MYO16: variants seen among roughly 807,000 people sequenced by gnomAD.
The protein encoded by MYO16 is myosin XVI, also known as unconventional myosin-XVI.
In MYO16, 94 loss-of-function variants were observed where a neutral mutation model predicts 205.3. The observed-to-expected ratio is 0.46, with a 90% CI of 0.39 to 0.54. The LOEUF (loss-of-function observed/expected upper bound fraction) is 0.54, where lower values mean the gene tolerates loss of function less well. Among genes scored for constraint, MYO16 ranks in the 20% least tolerant of loss-of-function variants. MYO16 has a pLI of 0.00. For missense variants in MYO16, 2,315 were observed against 2,387.5 expected, an observed-to-expected ratio of 0.97 and a Z score of 0.63; for synonymous variants, 988 against 954.0, an observed-to-expected ratio of 1.04 and a Z score of -0.66.
chr13:108,955,080 C>A (rs1883297969), intron 16 of MYO16, among the ~76,000 whole-genome samples: 3 of 152,212 alleles, frequency 2.0e-5, no homozygotes, highest in Non-Finnish European at 2.9e-5. Flanking sequence ...AAACCTCCAA[C>A]CTCTTTCTCT....
intron 2 of MYO16, among the ~76,000 whole-genome samples, chr13:108,690,986 C>T (rs1882873386): frequency 6.6e-6 from 1 of 152,126 alleles, no homozygotes; most frequent in Non-Finnish European, 1.5e-5. Context: ...AGTCACCATT[C>T]TCTCCTGTTT....
In MYO16 at chr13:108,920,280, TTTTCTCTTTCTCTTTC is replaced by T. The variant is rs1168989004; in HGVS notation, c.1925+10148_1925+10163del. ...CCTCTGCCTTTTGTTCCACTCCTTT[TTTTCTCTTTCTCTTTC>T]TTTCTCTTTCTCTTTCTCCTTCCTT... On this transcript the variant is annotated intron_variant, in intron 16 of 34. Coordinates refer to ENST00000457511, the MANE Select transcript of MYO16 (RefSeq NM_001198950.3). Among the ~76,000 whole-genome samples the T allele has an allele frequency of 7.9e-4, 119 of 151,330 alleles. 1 individual carries two copies. The highest frequency in any genetic ancestry group is 2.8e-3 in the African/African-American group (114 of 40,654).
At chr13:109,129,070 C>A (rs1876407936) in intron 31 of MYO16, among the ~76,000 whole-genome samples, 1 of 147,438 alleles carries the variant, frequency 6.8e-6, no homozygotes, top group Non-Finnish European at 1.5e-5. Flanking sequence ...CTGCGCCAGG[C>A]CTTTTTTTTT....
At chr13:108,863,074 C>T (rs372937996) in intron 11 of MYO16, among the ~76,000 whole-genome samples, 6 of 152,100 alleles carry the variant, frequency 3.9e-5, no homozygotes, top group Non-Finnish European at 8.8e-5. Flanking sequence ...ATCCATCAAA[C>T]TTGCTAAAGT....
At chr13:108,769,266 C>G (rs957364712) in intron 4 of MYO16, among the ~76,000 whole-genome samples, 6 of 151,976 alleles carry the variant, frequency 3.9e-5, no homozygotes, top group Admixed American at 2.0e-4. Flanking sequence ...TCCAAGACAC[C>G]CTTGGTGGCA....
chr13:109,034,300 G>A (rs1009895696), intron 23 of MYO16, among the ~76,000 whole-genome samples: 1 of 152,152 alleles, frequency 6.6e-6, no homozygotes, highest in Non-Finnish European at 1.5e-5. Context: ...ATCTTGAATT[G>A]TAATCTCCAT....
At chr13:108,613,480 A>T (rs1316407354) in intron 1 of MYO16, among the ~76,000 whole-genome samples, 1 of 152,242 alleles carries the variant, frequency 6.6e-6, no homozygotes, top group South Asian at 2.1e-4. Context: ...TAGTGTCATA[A>T]TAGATGAAGA....
intron 34 of MYO16, among the ~76,000 whole-genome samples, chr13:109,184,787 T>A (rs1436292229): frequency 6.6e-6 from 1 of 150,708 alleles, no homozygotes; most frequent in Non-Finnish European, 1.5e-5. Context: ...TTTTTTGAAA[T>A]GGATGGAGCC....
At position 108,901,844 on chromosome 13, in the gene MYO16, C is replaced by T. The variant is rs965987637; in HGVS notation, c.1777+3711C>T. 3.3e-5 allele frequency among the ~76,000 whole-genome samples: 5 copies of T among 152,036 alleles called. No individual in the cohort carries two copies. The South Asian group carries it at 6.2e-4, about 19-fold the overall frequency. On this transcript the variant is annotated intron_variant, in intron 15 of 34. Coordinates refer to ENST00000457511, the MANE Select transcript of MYO16 (RefSeq NM_001198950.3). ...ACAAAGCTAGTGCTGAGATTGCATT[C>T]GTAGAAGTCTACCACCTAGATCATA...
At chr13:109,043,912 G>T (rs1483146080) in intron 23 of MYO16, among the ~76,000 whole-genome samples, 3 of 152,162 alleles carry the variant, frequency 2.0e-5, no homozygotes, top group Non-Finnish European at 4.4e-5. Context: ...AGCCAATCTG[G>T]GCTGGGGCTG....
intron 16 of MYO16, among the ~76,000 whole-genome samples, chr13:108,954,234 T>C (rs570326473): frequency 6.6e-6 from 1 of 152,252 alleles, no homozygotes; most frequent in Admixed American, 6.5e-5. Context: ...TAATTACTTA[T>C]CAAGAATTGT....
intron 1 of MYO16, among the ~76,000 whole-genome samples, chr13:108,610,953 A>G (rs996274866): frequency 6.6e-6 from 1 of 152,232 alleles, no homozygotes; most frequent in Non-Finnish European, 1.5e-5. Context: ...AAGTTGACTC[A>G]TAGTAATAAA....
chr13:108,919,433 A>G (rs926629873), intron 16 of MYO16, among the ~76,000 whole-genome samples: 36 of 152,248 alleles, frequency 2.4e-4, no homozygotes, highest in Non-Finnish European at 8.8e-5. Flanking sequence ...AGTCTGCTTG[A>G]TGACGCAAGG....
chr13:108,938,692 G>A (rs9587725), intron 16 of MYO16, among the ~76,000 whole-genome samples: 9,869 of 152,316 alleles, frequency 0.065, 444 homozygotes, highest in Middle Eastern at 0.19. Context: ...GCAAGCAGGT[G>A]CTGTGAATGC....
At chr13:109,178,882 A>G (rs2139913624) in intron 33 of MYO16, among the ~76,000 whole-genome samples, 1 of 152,332 alleles carries the variant, frequency 6.6e-6, no homozygotes, top group South Asian at 2.1e-4. Context: ...ATAAAGGATA[A>G]TTAATCAAAT....
In MYO16 at chr13:109,055,039, A is replaced by C; in HGVS notation, c.3049-7A>C. On this transcript the variant is annotated splice_polypyrimidine_tract_variant and splice_region_variant and intron_variant, in intron 25 of 34. Transcript: ENST00000457511. This position sits in a 1 kb window ranked among gnomAD's most constrained non-coding sequence, Gnocchi z 5.0. Reference sequence around the variant, plus strand: ...TCCTGTCCTTCTTGTCTTTCTTTTTATTACAGTTATTAAAAAAGAAAGGAA... The same window carrying C: ...TCCTGTCCTTCTTGTCTTTCTTTTTCTTACAGTTATTAAAAAAGAAAGGAA... 1 of 1,453,572 alleles carries C rather than the reference A, an allele frequency of 6.9e-7. No homozygotes were observed. The highest frequency in any genetic ancestry group is 9.2e-7 in the Non-Finnish European group (1 of 1,083,198). 90.0% of individuals were successfully genotyped at this position (1,453,572 alleles called of 1,614,324 possible).
At chr13:108,706,071 C>A (rs1442721686) in intron 2 of MYO16, among the ~76,000 whole-genome samples, 5 of 152,104 alleles carry the variant, frequency 3.3e-5, no homozygotes, top group African/African-American at 1.2e-4. Flanking sequence ...TTGAAACTGA[C>A]TCATAGCTGA....
At chr13:108,827,348 G>A (rs1291264322) in intron 9 of MYO16, among the ~76,000 whole-genome samples, 4 of 152,070 alleles carry the variant, frequency 2.6e-5, no homozygotes, top group Non-Finnish European at 5.9e-5. Context: ...CTGCTTTACA[G>A]TAAACTCATA....
chr13:108,755,429 G>C (rs898351143), intron 4 of MYO16, among the ~76,000 whole-genome samples: 1 of 151,890 alleles, frequency 6.6e-6, no homozygotes, highest in Admixed American at 6.6e-5. Context: ...TACAATATTA[G>C]ATCCTTTCAC....
Sources: gnomAD v4.1 joint callset for allele counts (sites outside exome capture counted in the v4.1 genomes callset) on GRCh38, gnomAD v4.1.1 for gene constraint, Gnocchi (gnomAD v3.1) non-coding constraint, MANE v1.5 for transcripts, NCBI Gene and HGNC (gene_info 2026-07-23, HGNC 2026-07-21) for gene names.